Variants in ZNF503 observed in about 807,000 individuals in gnomAD.
ZNF503 encodes NocA-like zinc finger 2.
ZNF503 carries 15 observed loss-of-function variants against 34.4 expected under a neutral mutation model. That is an observed-to-expected ratio of 0.44 (90% CI 0.29 to 0.67). ZNF503 has a LOEUF of 0.67. ZNF503 is among the 30% of genes least tolerant of loss of function. ZNF503 has a pLI of 0.13. For synonymous variants in ZNF503, 580 were observed against 456.8 expected (o/e 1.27, Z -3.44); for missense variants, 1,007 against 926.8 (o/e 1.09, Z -1.12).
At chr10:75,348,776 T>C in the ZNF503 span, among the ~76,000 whole-genome samples, 1 of 152,166 alleles carries the variant, frequency 6.6e-6, no homozygotes, top group African/African-American at 2.4e-5. Flanking sequence ...CCTCCCAAAG[T>C]GCTGGGATTA....
the ZNF503 span, among the ~76,000 whole-genome samples, chr10:75,341,326 A>G: frequency 6.6e-6 from 1 of 152,246 alleles, no homozygotes; most frequent in African/African-American, 2.4e-5. Flanking sequence ...TGTAGTTGAT[A>G]TGATCTCAAC....
chr10:75,396,873 G>T (rs1039887002), downstream of ZNF503, among the ~76,000 whole-genome samples: 11 of 152,096 alleles, frequency 7.2e-5, no homozygotes, highest in Non-Finnish European at 1.0e-4. This position sits in a 1 kb window ranked among gnomAD's most constrained non-coding sequence, Gnocchi z 4.4. Context: ...TTTTTTCTGC[G>T]TGCTTCCTTC....
the ZNF503 span, among the ~76,000 whole-genome samples, chr10:75,340,674 C>T: frequency 2.0e-5 from 3 of 152,282 alleles, no homozygotes; most frequent in African/African-American, 7.2e-5. Context: ...TTTCAGCTCA[C>T]TGCAACCTCC....
Position 75,401,543 on chromosome 10 carries a change from A to G in ZNF503, c.-124T>C. The G allele has an allele frequency of 8.1e-7, 1 of 1,234,262 alleles. No individual in the cohort carries two copies. The highest frequency in any genetic ancestry group is 1.1e-6 in the Non-Finnish European group (1 of 902,910). 76.5% of individuals were successfully genotyped at this position (1,234,262 alleles called of 1,614,324 possible). A position where few individuals can be genotyped will look rare whatever the true frequency, so the allele number is the denominator to read the frequency against. On this transcript the variant is annotated 5_prime_UTR_variant, in exon 1 of 2. Transcript: ENST00000372524. ...AGGAGGAGGAGCTGGCGCGGCGGCC[A>G]CGGGCGCCCAGCGCGCCTTCTCGGC...
chr10:75,397,217 G>C (rs910623931), downstream of ZNF503, among the ~76,000 whole-genome samples: 1 of 152,078 alleles, frequency 6.6e-6, no homozygotes, highest in African/African-American at 2.4e-5. Flanking sequence ...GCGGGCGGGT[G>C]GGGGTGGGGG....
chr10:75,383,079 GC>G, the ZNF503 span, among the ~76,000 whole-genome samples: 3 of 152,192 alleles, frequency 2.0e-5, no homozygotes, highest in African/African-American at 7.2e-5. Flanking sequence ...AGCTGTGGCT[GC>G]AGCTCTTGAC....
At chr10:75,320,417 G>C in the ZNF503 span, among the ~76,000 whole-genome samples, 169 of 152,208 alleles carry the variant, frequency 1.1e-3, no homozygotes, top group African/African-American at 4.0e-3. Context: ...GGAGGGGAAG[G>C]TTGCAGTGAG....
chr10:75,282,483 T>C, the ZNF503 span, among the ~76,000 whole-genome samples: 1 of 152,210 alleles, frequency 6.6e-6, no homozygotes, highest in African/African-American at 2.4e-5. Context: ...AAGTCATCAT[T>C]GAGCTGCTCC....
the ZNF503 span, among the ~76,000 whole-genome samples, chr10:75,354,967 C>G: frequency 6.6e-6 from 1 of 152,120 alleles, no homozygotes; most frequent in African/African-American, 2.4e-5. Flanking sequence ...GCCTCCCAAG[C>G]AGCTGGGACT....
At chr10:75,382,501 C>A in the ZNF503 span, 13 of 731,006 alleles carry the variant, frequency 1.8e-5, no homozygotes, top group African/African-American at 2.4e-4. Context: ...CAGCAGCAAC[C>A]TCTTCTTTTT....
At chr10:75,294,123 C>T in the ZNF503 span, among the ~76,000 whole-genome samples, 1 of 152,194 alleles carries the variant, frequency 6.6e-6, no homozygotes, top group Non-Finnish European at 1.5e-5. Context: ...AGGTTACCAG[C>T]GTCTCCTTTG....
the ZNF503 span, among the ~76,000 whole-genome samples, chr10:75,367,541 C>T: frequency 6.6e-6 from 1 of 152,136 alleles, no homozygotes; most frequent in Non-Finnish European, 1.5e-5. Context: ...AAAAGAGTCT[C>T]AGATGAACCT....
the ZNF503 span, among the ~76,000 whole-genome samples, chr10:75,291,436 ACC>A: frequency 6.6e-6 from 1 of 152,086 alleles, no homozygotes. Context: ...ACATGGTGAA[ACC>A]CCATCTCTAC....
chr10:75,279,774 A>T, the ZNF503 span: 1 of 152,236 alleles, frequency 6.6e-6, no homozygotes, highest in African/African-American at 2.4e-5. Flanking sequence ...GAGTCTGGGA[A>T]ATCTAAGATC....
chr10:75,395,282 G>A (rs1429310338), downstream of ZNF503, among the ~76,000 whole-genome samples: 1 of 152,244 alleles, frequency 6.6e-6, no homozygotes, highest in African/African-American at 2.4e-5. The surrounding 1 kb of genome is among the most constrained non-coding windows in gnomAD (Gnocchi z 4.4). Context: ...AACAAGCGCA[G>A]AAGCTGGAGC....
the ZNF503 span, among the ~76,000 whole-genome samples, chr10:75,380,359 G>C: frequency 1.3e-5 from 2 of 152,188 alleles, no homozygotes; most frequent in Non-Finnish European, 2.9e-5. Context: ...GGCTCAGGGA[G>C]CAACATGCCC....
At chr10:75,360,428 G>A in the ZNF503 span, among the ~76,000 whole-genome samples, 4 of 151,926 alleles carry the variant, frequency 2.6e-5, no homozygotes, top group Admixed American at 6.6e-5. Context: ...GACCGGCCTG[G>A]GGGCCCTTGT....
rs1455460849 is a variant in ZNF503 at position 75,399,763 on chromosome 10, C to T, written c.927G>A (p.Ser309=). The change falls in exon 2 of 2, where the codon TCG becomes TCA. Residue 309 remains serine, a synonymous_variant. Coordinates refer to ENST00000372524, the MANE Select transcript of ZNF503 (RefSeq NM_032772.6). The part of the protein sequence containing the change: ...DGGPGGKALG[S]DCGGSSGSSS... The stretch of plus-strand genomic sequence containing the variant: ...TGGAGCCCGATGAACCGCCGCAGTC[C>T]GAGCCCAGAGCCTTGCCTCCCGGGC... 17 of 1,592,970 alleles carry T rather than the reference C, an allele frequency of 1.1e-5. No individual in the cohort carries two copies. Among genetic ancestry groups the T allele is most frequent in the East Asian group, 2.3e-5 (1 of 44,234 alleles).
At chr10:75,381,805 C>CTTTTTTT in the ZNF503 span, among the ~76,000 whole-genome samples, 120 of 38,656 alleles carry the variant, frequency 3.1e-3, 33 homozygotes, top group African/African-American at 9.9e-3. Flanking sequence ...GAACCTAATT[C>CTTTTTTT]TTTTTTTTTT....
Sources: gnomAD v4.1 joint callset for allele counts (sites outside exome capture counted in the v4.1 genomes callset) on GRCh38, gnomAD v4.1.1 for gene constraint, Gnocchi (gnomAD v3.1) non-coding constraint, MANE v1.5 for transcripts, NCBI Gene and HGNC (gene_info 2026-07-23, HGNC 2026-07-21) for gene names.